CEP44: variants seen among roughly 807,000 people sequenced by gnomAD.
CEP44 encodes the protein centrosomal protein 44.
CEP44 carries 45 observed loss-of-function variants against 46.7 expected under a neutral mutation model. The observed-to-expected ratio is 0.96, with a 90% CI of 0.76 to 1.24. The LOEUF is 1.24. Among genes scored for constraint, CEP44 ranks in the 50% most tolerant of loss-of-function variants. The pLI is 0.00. For synonymous variants in CEP44, 142 were observed against 146.0 expected, an observed-to-expected ratio of 0.97 and a Z score of 0.20; for missense variants, 475 against 459.7, an observed-to-expected ratio of 1.03 and a Z score of -0.30.
intron 8 of CEP44, among the ~76,000 whole-genome samples, chr4:174,327,921 AG>A (rs1229412888): frequency 2.0e-5 from 3 of 152,230 alleles, no homozygotes; most frequent in African/African-American, 7.2e-5. Context: ...TGAATATTAA[AG>A]TTGGAGAAAC....
downstream of CEP44, among the ~76,000 whole-genome samples, chr4:174,325,224 A>T (rs1322164229): frequency 6.6e-6 from 1 of 152,168 alleles, no homozygotes; most frequent in Non-Finnish European, 1.5e-5. The surrounding 1 kb of genome is among the most constrained non-coding windows in gnomAD (Gnocchi z 4.4). Context: ...GTTGGGTTGT[A>T]AAGGGCCTCT....
Position 174,310,056 on chromosome 4 carries a change from G to A in CEP44, c.885G>A (p.Lys295=). The A allele has an allele frequency of 1.9e-6, 3 of 1,608,112 alleles. No homozygotes were observed. Among genetic ancestry groups the A allele is most frequent in the Non-Finnish European group, 2.5e-6 (3 of 1,177,380 alleles). The part of the protein sequence containing the change: ...LLETEMLLSK[K]NDEFIEFNEV... The stretch of plus-strand genomic sequence containing the variant: ...AAACAGAAATGCTTTTGTCTAAAAA[G>A]GTATTTTCCTCCTTTAACATTTATA... The change falls in exon 8 of 12, where the codon AAG becomes AAA. Residue 295 remains lysine (K), a splice_region_variant and synonymous_variant. Coordinates refer to ENST00000503780, the MANE Select transcript of CEP44 (RefSeq NM_001040157.3). The surrounding 1 kb of genome is among the most constrained non-coding windows in gnomAD (Gnocchi z 4.2).
At position 174,331,158 on chromosome 4, in the gene CEP44, T is replaced by A. The variant is rs1479352493; in HGVS notation, c.1087-324T>A. On this transcript the variant is annotated intron_variant, in intron 8 of 8. Transcript: ENST00000426172. This position sits in a 1 kb window ranked among gnomAD's most constrained non-coding sequence, Gnocchi z 4.5. ...ATTTTTAATTAGTACGTAAATTAGA[T>A]CTCATAATTATGTTACCAATTTTTT... is the stretch of plus-strand genomic sequence containing the variant. Among the ~76,000 whole-genome samples the A allele has an allele frequency of 1.3e-5, 2 of 152,006 alleles. No homozygotes were observed. The highest frequency in any genetic ancestry group is 2.4e-5 in the African/African-American group (1 of 41,390).
rs1741923253 is a variant in CEP44 at position 174,317,986 on chromosome 4, C to CA, written c.*605dup. On this transcript the variant is annotated 3_prime_UTR_variant, in exon 12 of 12. Coordinates refer to ENST00000503780, the MANE Select transcript of CEP44 (RefSeq NM_001040157.3). ...AAACAGGCTGGAGGACTATGGTCCTCAAGTTTAGACCAAGAGGACTATGGT... is the reference window on the plus strand; with the variant it reads ...AAACAGGCTGGAGGACTATGGTCCTCAAAGTTTAGACCAAGAGGACTATGGT... 1.0e-6 allele frequency: 1 copy of CA among 985,014 alleles called. No individual in the cohort carries two copies. Among genetic ancestry groups the CA allele is most frequent in the South Asian group, 4.7e-5 (1 of 21,290 alleles). 61.0% of individuals were successfully genotyped at this position (985,014 alleles called of 1,614,324 possible).
At chr4:174,284,942 C>A (rs1737406171) in intron 1 of CEP44, among the ~76,000 whole-genome samples, 1 of 152,124 alleles carries the variant, frequency 6.6e-6, no homozygotes, top group African/African-American at 2.4e-5. Flanking sequence ...TCACTCTGGT[C>A]CAGTGACATT....
chr4:174,284,421 G>C (rs1299934897), intron 1 of CEP44, among the ~76,000 whole-genome samples: 2 of 152,146 alleles, frequency 1.3e-5, no homozygotes, highest in Non-Finnish European at 2.9e-5. Context: ...GATCCTCTGG[G>C]GTGAGGATAC....
At chr4:174,289,437 C>T (rs987122055) in intron 1 of CEP44, among the ~76,000 whole-genome samples, 1 of 150,652 alleles carries the variant, frequency 6.6e-6, no homozygotes, top group Admixed American at 6.6e-5. Flanking sequence ...TGTTATTTGT[C>T]TATTCAAGCA....
In CEP44 at chr4:174,317,740, T is replaced by C. The variant is rs1215402377; in HGVS notation, c.*357T>C. On this transcript the variant is annotated 3_prime_UTR_variant, in exon 12 of 12. Transcript: ENST00000503780. The stretch of plus-strand genomic sequence containing the variant: ...CTTGAGGACTATGGTTTACATCCTG[T>C]TGGAAACATTCCAAATGGGACTTGT... The C allele has an allele frequency of 1.0e-6, 1 of 989,468 alleles. No homozygotes were observed. Among genetic ancestry groups the C allele is most frequent in the African/African-American group, 1.7e-5 (1 of 57,380 alleles). The allele number at this position is 989,468 out of a possible 1,614,324, so 61.3% of individuals were successfully genotyped here.
At chr4:174,316,843 A>G (rs1741784149) in intron 11 of CEP44, among the ~76,000 whole-genome samples, 1 of 152,170 alleles carries the variant, frequency 6.6e-6, no homozygotes, top group Admixed American at 6.5e-5. Flanking sequence ...TTGGTTGGTA[A>G]CTAATCAAGA....
Position 174,294,410 on chromosome 4 carries a change from C to T in CEP44, c.-147-3556C>T, listed in dbSNP as rs545146653. Among the ~76,000 whole-genome samples the T allele has an allele frequency of 2.4e-3, 360 of 152,030 alleles. 1 individual carries two copies. The highest frequency in any genetic ancestry group is 7.3e-3 in the African/African-American group (304 of 41,488). ...CAAGGCAGAAGAATTTTTCTTAGTACAGAACAAAATGAAAAGTCTCCCGTG... is the reference window on the plus strand; with the variant it reads ...CAAGGCAGAAGAATTTTTCTTAGTATAGAACAAAATGAAAAGTCTCCCGTG... On this transcript the variant is annotated intron_variant, in intron 1 of 11. Coordinates refer to ENST00000503780, the MANE Select transcript of CEP44 (RefSeq NM_001040157.3).
At chr4:174,330,084 C>A (rs1294192700) in intron 8 of CEP44, among the ~76,000 whole-genome samples, 1 of 151,996 alleles carries the variant, frequency 6.6e-6, no homozygotes, top group Non-Finnish European at 1.5e-5. Context: ...TTAAAATTTT[C>A]TTTAAAAGTC....
chr4:174,310,121 T>C lies in CEP44; in HGVS notation c.885+65T>C, dbSNP rs968791692. On this transcript the variant is annotated intron_variant, in intron 8 of 11. Transcript: ENST00000503780. This position sits in a 1 kb window ranked among gnomAD's most constrained non-coding sequence, Gnocchi z 4.2. Reference sequence around the variant, plus strand: ...TAACAAAGTTTTTTTTTGATTGTTATATGTGTATTTTTTTGGAAATGCTAA... The same window carrying C: ...TAACAAAGTTTTTTTTTGATTGTTACATGTGTATTTTTTTGGAAATGCTAA... 1.1e-5 allele frequency: 16 copies of C among 1,438,136 alleles called. No homozygotes were observed. In the Admixed American group the frequency reaches 1.4e-4, roughly 12 times the overall value. The allele number at this position is 1,438,136 out of a possible 1,614,324, so 89.1% of individuals were successfully genotyped here.
intron 8 of CEP44, among the ~76,000 whole-genome samples, chr4:174,328,300 G>A (rs757399063): frequency 6.6e-6 from 1 of 152,196 alleles, no homozygotes; most frequent in Non-Finnish European, 1.5e-5. Flanking sequence ...GAAAGGAAGA[G>A]GATATTGCTG....
At chr4:174,294,500 C>G (rs1341214855) in intron 1 of CEP44, among the ~76,000 whole-genome samples, 3 of 151,792 alleles carry the variant, frequency 2.0e-5, no homozygotes, top group Non-Finnish European at 4.4e-5. Flanking sequence ...GCCTTTCCCC[C>G]CTTTCTATTC....
intron 1 of CEP44, among the ~76,000 whole-genome samples, chr4:174,294,572 C>T (rs369494637): frequency 1.8e-4 from 27 of 150,952 alleles, no homozygotes; most frequent in African/African-American, 3.2e-4. Flanking sequence ...ACCTCCCAGA[C>T]GGGGTGGTGG....
Position 174,314,393 on chromosome 4 carries a change from A to G in CEP44, c.962-1773A>G, listed in dbSNP as rs899410114. Among the ~76,000 whole-genome samples the G allele has an allele frequency of 6.6e-6, 1 of 152,260 alleles. No homozygotes were observed. On this transcript the variant is annotated intron_variant, in intron 9 of 11. Coordinates refer to ENST00000503780, the MANE Select transcript of CEP44 (RefSeq NM_001040157.3). The surrounding 1 kb of genome is among the most constrained non-coding windows in gnomAD (Gnocchi z 4.1). ...AGAAAAAATATAGAAATTAATGTGC[A>G]GTTAACTGATCTGGCTATTAAATAT...
At position 174,297,439 on chromosome 4, in the gene CEP44, C is replaced by G. The variant is rs1475904706; in HGVS notation, c.-147-527C>G. On this transcript the variant is annotated intron_variant, in intron 1 of 11. Coordinates refer to ENST00000503780, the MANE Select transcript of CEP44 (RefSeq NM_001040157.3). This position sits in a 1 kb window ranked among gnomAD's most constrained non-coding sequence, Gnocchi z 4.3. Reference sequence around the variant, plus strand: ...CATGAGTCTCTAAGAAAAAAAGGTGCCTGGTTAGGGCTTATCAATAAGTGA... The same window carrying G: ...CATGAGTCTCTAAGAAAAAAAGGTGGCTGGTTAGGGCTTATCAATAAGTGA... Among the ~76,000 whole-genome samples the G allele has an allele frequency of 2.0e-5, 3 of 152,114 alleles. No individual in the cohort carries two copies. The highest frequency in any genetic ancestry group is 2.9e-5 in the Non-Finnish European group (2 of 68,022).
At chr4:174,302,783 ATTT>A (rs1277308350) in intron 4 of CEP44, among the ~76,000 whole-genome samples, 2 of 133,630 alleles carry the variant, frequency 1.5e-5, no homozygotes, top group Admixed American at 7.4e-5. Flanking sequence ...AATGTAGTCT[ATTT>A]TTTTTTTTTT....
chr4:174,321,977 CTGTT>C (rs1387401728), downstream of CEP44, among the ~76,000 whole-genome samples: 3 of 152,062 alleles, frequency 2.0e-5, no homozygotes, highest in Non-Finnish European at 4.4e-5. Flanking sequence ...TTGCCATCTT[CTGTT>C]TAAGTAAGCT....
Sources: gnomAD v4.1 joint callset for allele counts (sites outside exome capture counted in the v4.1 genomes callset) on GRCh38, gnomAD v4.1.1 for gene constraint, Gnocchi (gnomAD v3.1) non-coding constraint, MANE v1.5 for transcripts, NCBI Gene and HGNC (gene_info 2026-07-23, HGNC 2026-07-21) for gene names.